Variants in CAMSAP1 observed in about 807,000 individuals in gnomAD.
CAMSAP1 encodes the protein calmodulin-regulated spectrin-associated protein 1.
Under a neutral mutation model 143.5 loss-of-function variants are expected in CAMSAP1, and 58 were observed. The observed-to-expected ratio is 0.40, with a 90% confidence interval of 0.33 to 0.50. The LOEUF (loss-of-function observed/expected upper bound fraction) is 0.50. CAMSAP1 is among the 20% of genes least tolerant of loss of function. The probability of loss-of-function intolerance (pLI) is 0.45; values close to 1 mark genes in which losing one functional copy is unlikely to be tolerated. For missense variants in CAMSAP1, 1,969 were observed against 2,115.7 expected, an observed-to-expected ratio of 0.93 and a Z score of 1.36; for synonymous variants, 945 against 859.3, an observed-to-expected ratio of 1.10 and a Z score of -1.74.
intron 7 of CAMSAP1, among the ~76,000 whole-genome samples, chr9:135,830,938 A>AG (rs1220615728): frequency 3.9e-5 from 6 of 152,294 alleles, no homozygotes; most frequent in East Asian, 1.9e-4. Context: ...TGGGAGGCTG[A>AG]GGGGGGCAGA....
chr9:135,813,944 C>A (rs1042484789), intron 16 of CAMSAP1, among the ~76,000 whole-genome samples: 1 of 152,230 alleles, frequency 6.6e-6, no homozygotes, highest in Non-Finnish European at 1.5e-5. Flanking sequence ...CAAGGCCTAG[C>A]CCCGCCTCTG....
At chr9:135,856,533 G>C (rs1277230546) in intron 5 of CAMSAP1, among the ~76,000 whole-genome samples, 1 of 152,172 alleles carries the variant, frequency 6.6e-6, no homozygotes, top group African/African-American at 2.4e-5. Context: ...GCCTCGGTAA[G>C]AGAACACGCA....
rs1836922443 is a variant in CAMSAP1 at position 135,855,423 on chromosome 9, G to T, written c.809-4962C>A. On this transcript the variant is annotated intron_variant, in intron 5 of 16. Transcript: ENST00000389532. ...CATGATCTCATCCTTTTCTATTGCT[G>T]CATGCCAAAATTTTAAAATTTGTAT... Among the ~76,000 whole-genome samples the T allele has an allele frequency of 2.0e-5, 3 of 152,090 alleles. No homozygotes were observed. The South Asian group carries it at 6.2e-4, about 32-fold the overall frequency.
At chr9:135,850,075 C>A (rs1836718406) in intron 7 of CAMSAP1, 62 bp downstream of exon 7, 1 of 1,350,652 alleles carries the variant, frequency 7.4e-7, no homozygotes, top group Non-Finnish European at 1.0e-6. Context: ...CTGGAGAGTG[C>A]TTTCTGATAC....
At chr9:135,884,353 A>G (rs1231276447) in intron 1 of CAMSAP1, among the ~76,000 whole-genome samples, 1 of 151,866 alleles carries the variant, frequency 6.6e-6, no homozygotes, top group Non-Finnish European at 1.5e-5. Flanking sequence ...TCCCCACAGC[A>G]CCCCTCTCTC....
intron 1 of CAMSAP1, among the ~76,000 whole-genome samples, chr9:135,902,924 C>G (rs1838660416): frequency 6.6e-6 from 1 of 152,186 alleles, no homozygotes; most frequent in South Asian, 2.1e-4. Flanking sequence ...CAGCTTGGCT[C>G]TGCAAGCAAA....
chr9:135,846,790 C>T (rs571077792), intron 7 of CAMSAP1, among the ~76,000 whole-genome samples: 1 of 151,268 alleles, frequency 6.6e-6, no homozygotes, highest in South Asian at 2.1e-4. Context: ...AAAAGCTCAT[C>T]ATCACTGGTC....
intron 3 of CAMSAP1, among the ~76,000 whole-genome samples, chr9:135,869,102 C>CA (rs1220126327): frequency 3.9e-5 from 6 of 152,168 alleles, no homozygotes; most frequent in African/African-American, 1.4e-4. Flanking sequence ...ATAGTAATAA[C>CA]AGAGTATAAA....
Position 135,850,385 on chromosome 9 carries a change from T to G in CAMSAP1, c.885A>C (p.Glu295Asp). 1.2e-6 allele frequency: 2 copies of G among 1,612,024 alleles called. No individual in the cohort carries two copies. The highest frequency in any genetic ancestry group is 2.7e-5 in the African/African-American group (2 of 74,942). The change falls in exon 6 of 17, where the codon GAA becomes GAC. Residue 295 changes from glutamate (E) to aspartate (D), a missense_variant. By Grantham distance (45) the Glu-to-Asp change is conservative. Transcript: ENST00000389532. The stretch of plus-strand genomic sequence containing the variant: ...TGAGATAAAAACATTTATTAAGATA[T>G]TCATTGGAGAATTCTCTCAGAAGCC... The part of the protein sequence containing the change: ...NIRLLREFSN[E>D]YLNKCFYLTL...
intron 8 of CAMSAP1, 60 bp downstream of exon 8, chr9:135,827,343 TAAAC>T: frequency 7.3e-7 from 1 of 1,378,258 alleles, no homozygotes; most frequent in South Asian, 1.9e-5. Context: ...ATTAATATTT[TAAAC>T]TAACACAAAA....
At chr9:135,843,873 C>CAA (rs150201026) in intron 7 of CAMSAP1, among the ~76,000 whole-genome samples, 351 of 63,298 alleles carry the variant, frequency 5.5e-3, no homozygotes, top group Middle Eastern at 8.2e-3. Context: ...GACTCCGTCT[C>CAA]AAAAAAAAAA....
At chr9:135,880,484 C>G (rs1297105912) in intron 3 of CAMSAP1, among the ~76,000 whole-genome samples, 16 of 152,178 alleles carry the variant, frequency 1.1e-4, no homozygotes, top group Admixed American at 9.2e-4. Flanking sequence ...TGTAAGGAGT[C>G]TGCCCATCCA....
intron 7 of CAMSAP1, among the ~76,000 whole-genome samples, chr9:135,829,557 A>C (rs1835784684): frequency 6.6e-6 from 1 of 152,014 alleles, no homozygotes; most frequent in Non-Finnish European, 1.5e-5. Flanking sequence ...AAAATAGTTA[A>C]AATAACAATA....
chr9:135,881,908 T>C, intron 2 of CAMSAP1, 114 bp from the exon 3 acceptor site: 1 of 1,272,028 alleles, frequency 7.9e-7, no homozygotes, highest in South Asian at 1.5e-5. Flanking sequence ...TCCCTCGCCC[T>C]TTCCGTCTGA....
chr9:135,887,601 A>C (rs2130997811), intron 1 of CAMSAP1, among the ~76,000 whole-genome samples: 1 of 152,278 alleles, frequency 6.6e-6, no homozygotes, highest in African/African-American at 2.4e-5. Context: ...TGCAGGGCCC[A>C]GGTAGGGCAG....
rs1302495456 is a variant in CAMSAP1 at position 135,850,356 on chromosome 9, A to C, written c.914T>G (p.Leu305Trp). The change falls in exon 6 of 17, where the codon TTG becomes TGG. Residue 305 changes from leucine to tryptophan, a missense_variant. Leu to Trp is a moderately conservative substitution (Grantham distance 61). Around this residue, in one of 4 missense-constraint regions of CAMSAP1, gnomAD observed 221 missense variants for 298.2 expected, o/e 0.74. Transcript: ENST00000389532. ...TAATGGCGCATACAGCATATCTTCCAAGGTGAGATAAAAACATTTATTAAG... is the reference window on the plus strand; with the variant it reads ...TAATGGCGCATACAGCATATCTTCCCAGGTGAGATAAAAACATTTATTAAG... ...EYLNKCFYLT[L>W]EDMLYAPLVL... The C allele has an allele frequency of 1.9e-6, 3 of 1,610,760 alleles. No individual in the cohort carries two copies. The highest frequency in any genetic ancestry group is 2.5e-6 in the Non-Finnish European group (3 of 1,178,966).
Position 135,827,621 on chromosome 9 carries a change from A to G in CAMSAP1, c.1046-37T>C, listed in dbSNP as rs201934870. ...GCGTTTTTGCATCGTTACTTACAAC[A>G]CTAACTGGAAGCACAGAAAACCTAA... On this transcript the variant is annotated intron_variant, in intron 7 of 16. Transcript: ENST00000389532. 4.0e-6 allele frequency: 6 copies of G among 1,496,788 alleles called. No individual in the cohort carries two copies. In the African/African-American group the frequency reaches 5.5e-5, roughly 14 times the overall value. 92.7% of individuals were successfully genotyped at this position (1,496,788 alleles called of 1,614,324 possible). A position where few individuals can be genotyped will look rare whatever the true frequency, so the allele number is the denominator to read the frequency against.
rs773031992 is a variant in CAMSAP1 at position 135,821,700 on chromosome 9, T to C, written c.2961A>G (p.Ala987=). 1.9e-6 allele frequency: 3 copies of C among 1,613,932 alleles called. No individual in the cohort carries two copies. Among genetic ancestry groups the C allele is most frequent in the South Asian group, 2.2e-5 (2 of 91,092 alleles). ...ESLAFAQQHK[A]KDPVALHELE... is the part of the protein sequence containing the mutation. ...GCTCGTGCAGAGCCACAGGGTCTTT[T>C]GCTTTATGTTGCTGAGCAAAGGCCA... is the stretch of plus-strand genomic sequence containing the variant. The change falls in exon 11 of 17, where the codon GCA becomes GCG. Residue 987 remains alanine, a synonymous_variant. Transcript: ENST00000389532. This position sits in a 1 kb window ranked among gnomAD's most constrained non-coding sequence, Gnocchi z 4.6.
At position 135,811,653 on chromosome 9, in the gene CAMSAP1, G is replaced by A. The variant is rs1835056438; in HGVS notation, c.4507-42C>T. On this transcript the variant is annotated intron_variant, in intron 16 of 16. Transcript: ENST00000389532. The surrounding 1 kb of genome is among the most constrained non-coding windows in gnomAD (Gnocchi z 4.9). ...AAGGGGAAGAGACAAACACTTCAGGGCCACTCCAATTGCCACGAGTTGGGC... is the reference window on the plus strand; with the variant it reads ...AAGGGGAAGAGACAAACACTTCAGGACCACTCCAATTGCCACGAGTTGGGC... The A allele has an allele frequency of 6.5e-7, 1 of 1,538,784 alleles. No individual in the cohort carries two copies. Among genetic ancestry groups the A allele is most frequent in the Non-Finnish European group, 8.8e-7 (1 of 1,137,438 alleles).
Sources: allele counts gnomAD v4.1 joint callset (sites outside exome capture counted in the v4.1 genomes callset), GRCh38; gene constraint gnomAD v4.1.1; regional missense constraint gnomAD v4.1.1; non-coding constraint Gnocchi (gnomAD v3.1); transcripts MANE v1.5; gene names NCBI Gene and HGNC (gene_info 2026-07-23, HGNC 2026-07-21).